The following SGO2 variants were observed in gnomAD, a reference collection of about 807,000 sequenced individuals.
The protein encoded by SGO2 is shugoshin-like 2.
In SGO2, 68 loss-of-function variants were observed where a neutral mutation model predicts 99.5. The ratio of observed to expected loss-of-function variants is 0.68; its 90% CI spans 0.56 to 0.84. The LOEUF is 0.84. SGO2 is among the 40% of genes least tolerant of loss of function. SGO2 has a pLI of 0.00. For missense variants in SGO2, 1,350 were observed against 1,436.7 expected, an observed-to-expected ratio of 0.94 and a Z score of 0.97; for synonymous variants, 457 against 487.1, an observed-to-expected ratio of 0.94 and a Z score of 0.81.
intron 7 of SGO2, among the ~76,000 whole-genome samples, chr2:200,574,807 T>A (rs1238831244): frequency 6.6e-6 from 1 of 152,096 alleles, no homozygotes; most frequent in Non-Finnish European, 1.5e-5. Context: ...CTTTTGCCAT[T>A]AGAAATTTTG....
chr2:200,549,476 C>T (rs2032371921), intron 5 of SGO2, among the ~76,000 whole-genome samples: 1 of 152,166 alleles, frequency 6.6e-6, no homozygotes, highest in Admixed American at 6.5e-5. Flanking sequence ...ACCAATATCA[C>T]TGATGAACAT....
chr2:200,533,545 G>A (rs796355595), intron 2 of SGO2, among the ~76,000 whole-genome samples: 15 of 132,858 alleles, frequency 1.1e-4, no homozygotes, highest in South Asian at 7.8e-4. Context: ...GTGTGTGTGT[G>A]TGTATACATG....
Position 200,572,506 on chromosome 2 carries a change from A to C in SGO2, c.2160A>C (p.Thr720=). The C allele has an allele frequency of 6.2e-7, 1 of 1,612,798 alleles. No homozygotes were observed. The highest frequency in any genetic ancestry group is 1.1e-5 in the South Asian group (1 of 90,954). Residue 720 remains threonine, a synonymous_variant, in exon 7 of 9, where the codon ACA becomes ACC. Coordinates refer to ENST00000357799, the MANE Select transcript of SGO2 (RefSeq NM_152524.6). ...TTAGGCAGAAAGTAAATCGGAAGAC[A>C]GAAATAATTTCTGAAGTGAATCATT... ...KKLRQKVNRK[T]EIISEVNHLD...
intron 5 of SGO2, among the ~76,000 whole-genome samples, chr2:200,545,381 C>G (rs2032165902): frequency 6.6e-6 from 1 of 152,316 alleles, no homozygotes; most frequent in East Asian, 1.9e-4. Flanking sequence ...ACCAGTAGCT[C>G]TTTATGAAAT....
At chr2:200,578,372 C>T (rs1339385101) in intron 8 of SGO2, among the ~76,000 whole-genome samples, 1 of 152,102 alleles carries the variant, frequency 6.6e-6, no homozygotes, top group Admixed American at 6.5e-5. Flanking sequence ...TCCAGTATGT[C>T]ATAGTGGCTT....
rs2031505680 is a variant in SGO2 at position 200,533,227 on chromosome 2, G to A, written c.133+119G>A. 12 of 1,154,450 alleles carry A rather than the reference G, an allele frequency of 1.0e-5. No individual in the cohort carries two copies. In the South Asian group the frequency reaches 2.0e-4, roughly 19 times the overall value. The allele number at this position is 1,154,450 out of a possible 1,614,324, so 71.5% of individuals were successfully genotyped here. On this transcript the variant is annotated intron_variant, in intron 2 of 8. Transcript: ENST00000357799. ...TACTAAAATGACCATTTTGTTAACT[G>A]ATAACTTTTTAAATTTGATCCTTCC...
At chr2:200,537,399 A>G (rs1051185288) in intron 4 of SGO2, among the ~76,000 whole-genome samples, 44 of 152,094 alleles carry the variant, frequency 2.9e-4, no homozygotes, top group Non-Finnish European at 1.9e-4. Flanking sequence ...TTTATTCACT[A>G]TCTCTAGTTT....
chr2:200,571,112 C>T lies in SGO2; in HGVS notation c.766C>T (p.Gln256Ter). Residue 256 changes from glutamine (Q) to a stop codon, truncating the protein, a stop_gained, in exon 7 of 9, where the codon CAG becomes TAG. Coordinates refer to ENST00000357799, the MANE Select transcript of SGO2 (RefSeq NM_152524.6). LOFTEE classifies it high-confidence loss of function. ...TCTAATGAGTGAGATGAGAAACGCC[C>T]AGTCTATTGGCCGCAGATGGGAGAA... ...TSLMSEMRNA[Q>*]SIGRRWEKPS... 6.2e-7 allele frequency: 1 copy of T among 1,613,116 alleles called. No individual in the cohort carries two copies. The highest frequency in any genetic ancestry group is 8.5e-7 in the Non-Finnish European group (1 of 1,179,482).
rs376281960 is a variant in SGO2, at chr2:200,537,338, C to T, written c.387+1196C>T. On this transcript the variant is annotated intron_variant, in intron 4 of 8. Transcript: ENST00000357799. Reference sequence around the variant, plus strand: ...AAACCTCTTACTTCACCTACTTCCCCGCTACTATCTCAGCTCTCTTCTTGC... The same window carrying T: ...AAACCTCTTACTTCACCTACTTCCCTGCTACTATCTCAGCTCTCTTCTTGC... Among the ~76,000 whole-genome samples the T allele has an allele frequency of 1.5e-3, 232 of 152,218 alleles. 1 individual carries two copies. Among genetic ancestry groups the T allele is most frequent in the African/African-American group, 5.2e-3 (216 of 41,548 alleles).
intron 5 of SGO2, among the ~76,000 whole-genome samples, chr2:200,559,468 CATT>C (rs1299291240): frequency 1.3e-5 from 2 of 151,886 alleles, no homozygotes; most frequent in South Asian, 2.1e-4. Flanking sequence ...CTTTTCTTTT[CATT>C]ATTATTATTA....
intron 5 of SGO2, among the ~76,000 whole-genome samples, chr2:200,564,926 C>T (rs2033127048): frequency 2.0e-5 from 3 of 152,018 alleles, no homozygotes; most frequent in African/African-American, 7.3e-5. Context: ...AGATCTTCCT[C>T]CATCCCTTTA....
At chr2:200,545,464 C>A (rs1011080868) in intron 5 of SGO2, among the ~76,000 whole-genome samples, 2 of 152,104 alleles carry the variant, frequency 1.3e-5, no homozygotes, top group Non-Finnish European at 2.9e-5. Context: ...TTTTTGTGTC[C>A]TTTTGAGAAA....
intron 2 of SGO2, 151 bp downstream of exon 2, chr2:200,533,259 C>G: frequency 1.3e-6 from 1 of 767,638 alleles, no homozygotes; most frequent in Non-Finnish European, 2.0e-6. Context: ...TTCCTATCTC[C>G]TTCAACTCCT....
chr2:200,563,511 A>C (rs1196831183), intron 5 of SGO2, among the ~76,000 whole-genome samples: 1 of 152,166 alleles, frequency 6.6e-6, no homozygotes, highest in East Asian at 1.9e-4. Flanking sequence ...TTATTGGTCT[A>C]AAATTTTCTT....
chr2:200,550,691 T>G (rs2032441988), intron 5 of SGO2, among the ~76,000 whole-genome samples: 1 of 152,002 alleles, frequency 6.6e-6, no homozygotes, highest in African/African-American at 2.4e-5. Context: ...CAAATCAAAA[T>G]GGATAAAAGA....
intron 5 of SGO2, among the ~76,000 whole-genome samples, chr2:200,565,488 C>T (rs1387214103): frequency 2.0e-5 from 3 of 152,184 alleles, no homozygotes; most frequent in African/African-American, 7.2e-5. Context: ...TCTGGCTGCC[C>T]TTAACATTTT....
In SGO2 at chr2:200,572,924, A is replaced by G. The variant is rs1248113468; in HGVS notation, c.2578A>G (p.Asn860Asp). Reference protein sequence around the residue: ...ETISENLQVTNEFQTVDLLIK... With the variant: ...ETISENLQVTDEFQTVDLLIK... ...AATTTCTGAAAATCTACAAGTCACA[A>G]ATGAATTTCAAACAGTTGATCTTCT... The change falls in exon 7 of 9, where the codon AAT becomes GAT. Residue 860 changes from asparagine to aspartate, a missense_variant. Transcript: ENST00000357799. The G allele has an allele frequency of 6.3e-7, 1 of 1,596,970 alleles. No homozygotes were observed. The highest frequency in any genetic ancestry group is 8.5e-7 in the Non-Finnish European group (1 of 1,174,728).
At chr2:200,528,166 A>C (rs2031196505) in intron 1 of SGO2, among the ~76,000 whole-genome samples, 4 of 152,252 alleles carry the variant, frequency 2.6e-5, no homozygotes, top group Admixed American at 2.6e-4. Flanking sequence ...TTTCTAGGCC[A>C]TTTTAAAGAT....
At chr2:200,529,608 C>G (rs1381501548) in intron 1 of SGO2, among the ~76,000 whole-genome samples, 2 of 152,220 alleles carry the variant, frequency 1.3e-5, no homozygotes, top group African/African-American at 4.8e-5. Context: ...CTCACTGCAG[C>G]CTCCACCTCC....
Sources: gnomAD v4.1 joint callset for allele counts (sites outside exome capture counted in the v4.1 genomes callset) on GRCh38, gnomAD v4.1.1 for gene constraint, MANE v1.5 for transcripts, NCBI Gene and HGNC (gene_info 2026-07-23, HGNC 2026-07-21) for gene names.